TRPV4: variants seen among roughly 807,000 people sequenced by gnomAD.
TRPV4 encodes the protein OSM9-like transient receptor potential channel 4.
Under a neutral mutation model 84.1 loss-of-function variants are expected in TRPV4, and 58 were observed. The observed-to-expected ratio is 0.69, with a 90% CI of 0.56 to 0.86. TRPV4 has a LOEUF of 0.86. Among genes scored for constraint, TRPV4 ranks in the 40% least tolerant of loss-of-function variants. The pLI is 0.00. For synonymous variants in TRPV4, 489 were observed against 500.9 expected, an observed-to-expected ratio of 0.98 and a Z score of 0.32; for missense variants, 879 against 1,181.1, an observed-to-expected ratio of 0.74 and a Z score of 3.75.
chr12:109,800,471 T>C, intron 5 of TRPV4, 147 bp downstream of exon 5: 1 of 999,188 alleles, frequency 1.0e-6, no homozygotes, highest in East Asian at 2.4e-5. Flanking sequence ...ACGTGCAGCC[T>C]GTGGTCCAGA....
At position 109,808,453 on chromosome 12, in the gene TRPV4, G is replaced by A. The variant is rs201241092; in HGVS notation, c.402C>T (p.Ser134=). ...GCGGCTGAGGGGCAGGGGCTTTGGG[G>A]CTCTGCGGCTGCTTCCTGGAGGAGG... ...RKKIIEKQPQ[S]PKAPAPQPPP... Residue 134 remains serine, a synonymous_variant, in exon 3 of 16, where the codon AGC becomes AGT. Coordinates refer to ENST00000261740, the MANE Select transcript of TRPV4 (RefSeq NM_021625.5). 6 of 1,613,010 alleles carry A rather than the reference G, an allele frequency of 3.7e-6. No individual in the cohort carries two copies. The South Asian group carries it at 5.5e-5, about 15-fold the overall frequency.
At chr12:109,832,335 G>A (rs1018786378) in intron 1 of TRPV4, 1 of 152,336 alleles carries the variant, frequency 6.6e-6, no homozygotes, top group African/African-American at 2.4e-5. Flanking sequence ...CCTTGCTCCG[G>A]AGCCAAAGTG....
intron 1 of TRPV4, among the ~76,000 whole-genome samples, chr12:109,821,113 A>G (rs1314955976): frequency 6.6e-6 from 1 of 152,238 alleles, no homozygotes; most frequent in Non-Finnish European, 1.5e-5. Context: ...TACGTGACCA[A>G]GGAAAGCTGC....
Position 109,793,915 on chromosome 12 carries a change from G to A in TRPV4, c.1584+15C>T, listed in dbSNP as rs373233900. 126 of 1,598,652 alleles carry A rather than the reference G, an allele frequency of 7.9e-5. No homozygotes were observed. Among genetic ancestry groups the A allele is most frequent in the South Asian group, 2.6e-4 (23 of 88,336 alleles). On this transcript the variant is annotated intron_variant, in intron 9 of 15. Coordinates refer to ENST00000261740, the MANE Select transcript of TRPV4 (RefSeq NM_021625.5). This position sits in a 1 kb window ranked among gnomAD's most constrained non-coding sequence, Gnocchi z 4.0. ...AGGGCAGGCAGGGTGGGGGGCACGG[G>A]GGCCAGGCACTTACGTTGGTGAAGA...
At chr12:109,816,038 G>A (rs553742463) in intron 1 of TRPV4, among the ~76,000 whole-genome samples, 37 of 152,222 alleles carry the variant, frequency 2.4e-4, no homozygotes, top group Non-Finnish European at 5.0e-4. Flanking sequence ...CACCCCACCC[G>A]GGAGGCAGGG....
chr12:109,803,177 T>G (rs1397258570), intron 3 of TRPV4, 34 bp from the exon 4 acceptor site: 27 of 1,612,042 alleles, frequency 1.7e-5, no homozygotes, highest in Non-Finnish European at 2.3e-5. Flanking sequence ...GACGCAGTGC[T>G]CCAGCCCATG....
intron 1 of TRPV4, among the ~76,000 whole-genome samples, chr12:109,831,155 C>G (rs746114173): frequency 4.6e-5 from 7 of 152,190 alleles, no homozygotes; most frequent in South Asian, 4.1e-4. Flanking sequence ...TCCAGACAAA[C>G]AGAACTATTT....
chr12:109,831,594 G>T (rs547418175), intron 1 of TRPV4, among the ~76,000 whole-genome samples: 1 of 152,256 alleles, frequency 6.6e-6, no homozygotes, highest in African/African-American at 2.4e-5. Flanking sequence ...TTTGCTGGAG[G>T]AGGGAGTAAG....
intron 7 of TRPV4, among the ~76,000 whole-genome samples, chr12:109,795,008 G>C (rs1021274953): frequency 6.6e-6 from 1 of 152,130 alleles, no homozygotes; most frequent in Non-Finnish European, 1.5e-5. Flanking sequence ...ACAAGAGTGA[G>C]ACTCCATCTC....
At chr12:109,792,894 CCAAG>C in intron 10 of TRPV4, 77 bp from the exon 11 acceptor site, 1 of 1,499,404 alleles carries the variant, frequency 6.7e-7, no homozygotes, top group Non-Finnish European at 9.2e-7. Flanking sequence ...AGACACGCCT[CCAAG>C]CCCTCCAGGG....
chr12:109,827,781 AACAT>A (rs61198250), intron 1 of TRPV4, among the ~76,000 whole-genome samples: 33,220 of 151,660 alleles, frequency 0.22, 4,506 homozygotes, highest in East Asian at 0.63. Context: ...TATATACACA[AACAT>A]ACACATAAAC....
Position 109,798,995 on chromosome 12 carries a change from C to T in TRPV4, c.854-83G>A, listed in dbSNP as rs985750087. 7.5e-6 allele frequency: 10 copies of T among 1,329,260 alleles called. No individual in the cohort carries two copies. The African/African-American group carries it at 1.4e-4, about 19-fold the overall frequency. 82.3% of individuals were successfully genotyped at this position (1,329,260 alleles called of 1,614,324 possible). ...CCTGCAGACACTCGGGGGACGGACA[C>T]CGTGGCGCTCTGAGGATAATGACGG... On this transcript the variant is annotated intron_variant, in intron 5 of 15. Coordinates refer to ENST00000261740, the MANE Select transcript of TRPV4 (RefSeq NM_021625.5). The surrounding 1 kb of genome is among the most constrained non-coding windows in gnomAD (Gnocchi z 5.0).
At chr12:109,791,888 T>C (rs568889940) in intron 12 of TRPV4, among the ~76,000 whole-genome samples, 16 of 151,944 alleles carry the variant, frequency 1.1e-4, no homozygotes, top group Non-Finnish European at 1.9e-4. Context: ...TACAGGCTTG[T>C]TGGGAGGCAA....
At chr12:109,790,901 C>T (rs1317913270) in intron 12 of TRPV4, among the ~76,000 whole-genome samples, 1 of 152,208 alleles carries the variant, frequency 6.6e-6, no homozygotes, top group Non-Finnish European at 1.5e-5. Context: ...CAAGCCCAAG[C>T]TAGCTGTCCA....
intron 1 of TRPV4, among the ~76,000 whole-genome samples, chr12:109,827,736 AT>A (rs1892301722): frequency 6.6e-6 from 1 of 152,002 alleles, no homozygotes; most frequent in Non-Finnish European, 1.5e-5. Flanking sequence ...ATGCACACAC[AT>A]ACACACAGAC....
Position 109,798,865 on chromosome 12 carries a change from C to T in TRPV4, c.901G>A (p.Val301Ile). The T allele has an allele frequency of 6.2e-7, 1 of 1,613,784 alleles. No homozygotes were observed. Among genetic ancestry groups the T allele is most frequent in the Non-Finnish European group, 8.5e-7 (1 of 1,179,848 alleles). ...TGGGGGTTCTCCGTCAGGTAGTTGACAATGTGGGGCTGGTTGGTGCAGGCA... is the reference window on the plus strand; with the variant it reads ...TGGGGGTTCTCCGTCAGGTAGTTGATAATGTGGGGCTGGTTGGTGCAGGCA... Reference protein sequence around the residue: ...LAACTNQPHIVNYLTENPHKK... With the variant: ...LAACTNQPHIINYLTENPHKK... The change falls in exon 6 of 16, where the codon GTC becomes ATC. Residue 301 changes from valine (V) to isoleucine (I), a missense_variant. Val to Ile is a conservative substitution (Grantham distance 29). Transcript: ENST00000261740. This position sits in a 1 kb window ranked among gnomAD's most constrained non-coding sequence, Gnocchi z 5.0.
chr12:109,819,014 CT>C (rs1436103897), intron 1 of TRPV4, among the ~76,000 whole-genome samples: 1 of 152,134 alleles, frequency 6.6e-6, no homozygotes, highest in Non-Finnish European at 1.5e-5. Context: ...CCCTGGGCTC[CT>C]TCCACATCAC....
intron 1 of TRPV4, chr12:109,832,713 G>C (rs1389902963): frequency 6.6e-6 from 1 of 152,656 alleles, no homozygotes; most frequent in Non-Finnish European, 1.5e-5. Flanking sequence ...TGGAGCAGTG[G>C]GTGGCTCGAT....
chr12:109,798,266 G>A lies in TRPV4; in HGVS notation c.1152+348C>T, dbSNP rs748380772. On this transcript the variant is annotated intron_variant, in intron 6 of 15. Transcript: ENST00000261740. This position sits in a 1 kb window ranked among gnomAD's most constrained non-coding sequence, Gnocchi z 5.0. ...CCCCATGCTGCGCGGCCCAGAAAAG[G>A]GAAGGAACTGGGGCAGGGCCATTCA... is the stretch of plus-strand genomic sequence containing the variant. Among the ~76,000 whole-genome samples, 16 of 152,184 alleles carry A rather than the reference G, an allele frequency of 1.1e-4. No homozygotes were observed. Among genetic ancestry groups the A allele is most frequent in the Non-Finnish European group, 2.2e-4 (15 of 68,048 alleles).
Sources: allele counts gnomAD v4.1 joint callset (sites outside exome capture counted in the v4.1 genomes callset), GRCh38; gene constraint gnomAD v4.1.1; non-coding constraint Gnocchi (gnomAD v3.1); transcripts MANE v1.5; gene names NCBI Gene and HGNC (gene_info 2026-07-23, HGNC 2026-07-21).